The following HDAC8 variants were observed in gnomAD, a reference collection of about 807,000 sequenced individuals.
HDAC8 encodes histone deacetylase 8.
A neutral mutation model predicts 32.2 loss-of-function variants in HDAC8; 1 was observed. The observed-to-expected ratio is 0.03, with a 90% CI of 0.01 to 0.15. HDAC8 has a LOEUF of 0.15. Among genes scored for constraint, HDAC8 ranks in the 10% least tolerant of loss-of-function variants. HDAC8 has a pLI of 1.00. For missense variants in HDAC8, 117 were observed against 300.0 expected (o/e 0.39, Z 4.51); for synonymous variants, 108 against 113.9 (o/e 0.95, Z 0.33).
At chrX:72,391,761 A>G (rs529693069) in intron 9 of HDAC8, among the ~76,000 whole-genome samples, 2 of 111,205 alleles carry the variant, frequency 1.8e-5, no homozygotes, top group African/African-American at 6.5e-5. Context: ...CCCTCTCTTT[A>G]AGAAACAGCT....
chrX:72,562,310 G>T (rs1556122098), intron 4 of HDAC8, among the ~76,000 whole-genome samples: 1 of 112,316 alleles, frequency 8.9e-6, no homozygotes, highest in Non-Finnish European at 1.9e-5. Context: ...AGTGGATAAA[G>T]AAAATGTTTT....
In HDAC8 at chrX:72,426,418, A is replaced by T. The variant is rs185017963; in HGVS notation, c.1005+35586T>A. Among the ~76,000 whole-genome samples, 200 of 111,933 alleles carry T rather than the reference A, an allele frequency of 1.8e-3. 1 individual carries two copies. The highest frequency in any genetic ancestry group is 2.9e-3 in the African/African-American group (90 of 30,858). ...TGTGTCCTATAGCATCTGGGGTTAG[A>T]TACATTGGATAGTAGAGGAGAAACA... On this transcript the variant is annotated intron_variant, in intron 9 of 10. Transcript: ENST00000373573.
intron 4 of HDAC8, among the ~76,000 whole-genome samples, chrX:72,543,636 A>G (rs782762090): frequency 1.8e-5 from 2 of 112,480 alleles, no homozygotes; most frequent in South Asian, 3.7e-4. Context: ...AGGTTAGGTC[A>G]GACAGGAGAC....
chrX:72,559,502 A>G (rs1292824741), intron 4 of HDAC8, among the ~76,000 whole-genome samples: 4 of 111,454 alleles, frequency 3.6e-5, no homozygotes, highest in Non-Finnish European at 7.6e-5. Context: ...CCCGTCTGGG[A>G]AGTGAGGAGC....
chrX:72,499,134 G>C (rs2049126860), intron 4 of HDAC8, among the ~76,000 whole-genome samples: 1 of 111,743 alleles, frequency 8.9e-6, no homozygotes, highest in African/African-American at 3.3e-5. Flanking sequence ...AGCAGATACT[G>C]GCACCATGCT....
intron 9 of HDAC8, among the ~76,000 whole-genome samples, chrX:72,441,254 G>A (rs1237319560): frequency 8.9e-6 from 1 of 112,815 alleles, no homozygotes; most frequent in Non-Finnish European, 1.9e-5. Flanking sequence ...CCTGACCCCT[G>A]ACACCCGAGC....
At chrX:72,459,023 T>C (rs12852932) in intron 9 of HDAC8, among the ~76,000 whole-genome samples, 1 of 111,937 alleles carries the variant, frequency 8.9e-6, no homozygotes, top group Admixed American at 9.5e-5. Context: ...CTGATCTTTG[T>C]TCCCTCTGCC....
intron 9 of HDAC8, among the ~76,000 whole-genome samples, chrX:72,403,451 A>G (rs1331751227): frequency 1.8e-5 from 2 of 111,925 alleles, no homozygotes; most frequent in Non-Finnish European, 3.8e-5. Context: ...TTATTGTCAT[A>G]CATACATATA....
At chrX:72,448,623 A>G (rs1555986154) in intron 9 of HDAC8, among the ~76,000 whole-genome samples, 2 of 112,502 alleles carry the variant, frequency 1.8e-5, no homozygotes, top group Non-Finnish European at 3.7e-5. Flanking sequence ...ACAGCAAGAG[A>G]AACTATCATC....
chrX:72,410,261 C>T (rs1260640972), intron 9 of HDAC8, among the ~76,000 whole-genome samples: 1 of 110,319 alleles, frequency 9.1e-6, no homozygotes, highest in Non-Finnish European at 1.9e-5. Context: ...TTGGAAACAC[C>T]GTTAAAGTGA....
At chrX:72,343,224 C>CT (rs1434914821) in intron 10 of HDAC8, among the ~76,000 whole-genome samples, 27 of 108,839 alleles carry the variant, frequency 2.5e-4, no homozygotes, top group African/African-American at 9.1e-4. Flanking sequence ...AGCTGGAGTG[C>CT]AGTAGTGCAA....
At chrX:72,401,053 A>C (rs1357500459) in intron 9 of HDAC8, among the ~76,000 whole-genome samples, 5 of 112,113 alleles carry the variant, frequency 4.5e-5, no homozygotes, top group Non-Finnish European at 7.5e-5. Context: ...ATTTGTGTAC[A>C]TGTTTTTGTG....
chrX:72,376,964 T>A (rs1419972952), intron 9 of HDAC8: 4 of 110,900 alleles, frequency 3.6e-5, no homozygotes, highest in Non-Finnish European at 7.5e-5. Context: ...TCTTTTAATT[T>A]TTTTTTCTTA....
intron 9 of HDAC8, among the ~76,000 whole-genome samples, chrX:72,460,819 T>C: frequency 1.8e-5 from 2 of 112,088 alleles, no homozygotes. Flanking sequence ...ATAACAGCGA[T>C]TACATTTGTT....
At chrX:72,338,324 T>C (rs1334136917) in intron 10 of HDAC8, among the ~76,000 whole-genome samples, 1 of 111,011 alleles carries the variant, frequency 9.0e-6, no homozygotes, top group Non-Finnish European at 1.9e-5. Flanking sequence ...TCAAGCACTT[T>C]CCCATTAAAT....
chrX:72,472,345 G>A lies in HDAC8; in HGVS notation c.738-7614C>T, dbSNP rs186963228. ...GCCTCCCAAAGTGCTGGGATTACAG[G>A]CGTGAGCCACCGCGCCCGGCCCAAC... On this transcript the variant is annotated intron_variant, in intron 7 of 10. Transcript: ENST00000373573. 8.5e-3 allele frequency among the ~76,000 whole-genome samples: 954 copies of A among 111,707 alleles called. 17 individuals are homozygous for A. The highest frequency in any genetic ancestry group is 0.029 in the African/African-American group (881 of 30,772).
intron 9 of HDAC8, among the ~76,000 whole-genome samples, chrX:72,447,746 G>A (rs1555985662): frequency 8.9e-6 from 1 of 112,056 alleles, no homozygotes; most frequent in South Asian, 3.7e-4. Flanking sequence ...AAAGTCTCAG[G>A]ATACAAAATC....
intron 9 of HDAC8, among the ~76,000 whole-genome samples, chrX:72,367,767 G>A (rs1368630941): frequency 1.8e-5 from 2 of 112,521 alleles, no homozygotes; most frequent in African/African-American, 6.5e-5. Context: ...AACAGACATG[G>A]GCGGCAAATG....
At chrX:72,413,102 T>C (rs1255766287) in intron 9 of HDAC8, among the ~76,000 whole-genome samples, 1 of 96,749 alleles carries the variant, frequency 1.0e-5, no homozygotes, top group African/African-American at 5.1e-5. Context: ...CCTTCTGGTC[T>C]GTGTAACTGG....
Sources: allele counts gnomAD v4.1 joint callset (sites outside exome capture counted in the v4.1 genomes callset), GRCh38; gene constraint gnomAD v4.1.1; transcripts MANE v1.5; gene names NCBI Gene and HGNC (gene_info 2026-07-23, HGNC 2026-07-21).